RASGRF2: variants seen among roughly 807,000 people sequenced by gnomAD.
The protein encoded by RASGRF2 is Ras protein specific guanine nucleotide releasing factor 2, also known as ras-specific guanine nucleotide-releasing factor 2.
RASGRF2 carries 76 observed loss-of-function variants against 151.0 expected under a neutral mutation model. That is an observed-to-expected ratio of 0.50 (90% CI 0.42 to 0.61). RASGRF2 has a LOEUF of 0.61. Among genes scored for constraint, RASGRF2 ranks in the 20% least tolerant of loss-of-function variants. The probability of loss-of-function intolerance (pLI) is 0.00; values close to 1 mark genes in which losing one functional copy is unlikely to be tolerated. For missense variants in RASGRF2, 1,148 were observed against 1,564.6 expected, an observed-to-expected ratio of 0.73 and a Z score of 4.49; for synonymous variants, 504 against 566.5, an observed-to-expected ratio of 0.89 and a Z score of 1.57.
intron 17 of RASGRF2, among the ~76,000 whole-genome samples, chr5:81,162,719 A>G (rs148585704): frequency 9.1e-4 from 138 of 152,318 alleles, no homozygotes; most frequent in African/African-American, 3.2e-3. Context: ...GACATCCGAC[A>G]GGAAAAAAGC....
intron 25 of RASGRF2, among the ~76,000 whole-genome samples, chr5:81,218,496 T>G (rs1231925147): frequency 2.6e-5 from 4 of 152,240 alleles, no homozygotes; most frequent in Admixed American, 2.6e-4. Context: ...TTGTTGAAGA[T>G]TAGTTGGCTG....
chr5:80,969,510 G>T (rs202054892), intron 1 of RASGRF2, among the ~76,000 whole-genome samples: 1 of 149,682 alleles, frequency 6.7e-6, no homozygotes, highest in Admixed American at 6.7e-5. Flanking sequence ...GTGCAGTGGC[G>T]CGATCTTGGC....
intron 2 of RASGRF2, among the ~76,000 whole-genome samples, chr5:81,065,029 C>T (rs1351039374): frequency 1.3e-5 from 2 of 152,098 alleles, no homozygotes; most frequent in East Asian, 3.9e-4. Context: ...ACGAGTTCTA[C>T]AGCAGCAAGG....
chr5:81,207,162 T>G, intron 20 of RASGRF2, 84 bp from the exon 21 acceptor site: 2 of 1,138,414 alleles, frequency 1.8e-6, no homozygotes, highest in Non-Finnish European at 2.6e-6. Context: ...CTTCCACACA[T>G]GCAGCTGTCT....
intron 17 of RASGRF2, among the ~76,000 whole-genome samples, chr5:81,127,976 C>G (rs1184442340): frequency 6.7e-6 from 1 of 149,816 alleles, no homozygotes; most frequent in Non-Finnish European, 1.5e-5. Flanking sequence ...GAAATCCCAC[C>G]ATTTGCAACA....
At chr5:81,050,993 A>T (rs559187503) in intron 2 of RASGRF2, among the ~76,000 whole-genome samples, 9 of 152,264 alleles carry the variant, frequency 5.9e-5, no homozygotes, top group African/African-American at 2.2e-4. Flanking sequence ...GTTAAAAATG[A>T]TATATTAGTA....
chr5:81,059,121 C>T (rs546734097), intron 2 of RASGRF2, among the ~76,000 whole-genome samples: 34 of 152,222 alleles, frequency 2.2e-4, no homozygotes, highest in Admixed American at 3.3e-4. Context: ...CAGTGGCTCA[C>T]GCCTGTAATC....
chr5:81,212,485 C>T lies in RASGRF2; in HGVS notation c.3276C>T (p.Gly1092=), dbSNP rs201336892. 14 of 1,613,760 alleles carry T rather than the reference C, an allele frequency of 8.7e-6. No individual in the cohort carries two copies. The highest frequency in any genetic ancestry group is 3.3e-5 in the South Asian group (3 of 90,976). ...GCCGATGCCTGCACAACTACAACGG[C>T]GTGCTGGAGATCACCTCGGCCTTAA... ...DICRCLHNYN[G]VLEITSALNR... is the part of the protein sequence containing the mutation. The change falls in exon 23 of 27, where the codon GGC becomes GGT. Residue 1092 remains glycine (G), a synonymous_variant. Transcript: ENST00000265080.
chr5:81,079,914 T>C (rs1032686286), intron 5 of RASGRF2, among the ~76,000 whole-genome samples: 5 of 152,198 alleles, frequency 3.3e-5, no homozygotes, highest in African/African-American at 1.2e-4. Flanking sequence ...TTCTGTCCTC[T>C]AATATTTGAA....
chr5:80,989,609 T>G (rs573465723), intron 1 of RASGRF2, among the ~76,000 whole-genome samples: 1 of 152,220 alleles, frequency 6.6e-6, no homozygotes, highest in Admixed American at 6.5e-5. Context: ...AGTGAAAAAA[T>G]GTTTTCATAA....
rs139509580 is a variant in RASGRF2 at position 81,183,581 on chromosome 5, A to G, written c.2793+3300A>G. ...TTCCTATGTGAATACATTCTGGCCT[A>G]TTGCTCCTGATTTTGTTATACCTTC... is the stretch of plus-strand genomic sequence containing the variant. On this transcript the variant is annotated intron_variant, in intron 18 of 26. Transcript: ENST00000265080. Among the ~76,000 whole-genome samples, 4 of 152,286 alleles carry G rather than the reference A, an allele frequency of 2.6e-5. No individual in the cohort carries two copies. In the East Asian group the frequency reaches 5.8e-4, roughly 22 times the overall value.
intron 2 of RASGRF2, among the ~76,000 whole-genome samples, chr5:81,056,836 G>A (rs1027589702): frequency 8.5e-5 from 13 of 152,130 alleles, no homozygotes; most frequent in African/African-American, 3.1e-4. Flanking sequence ...TATATATTTA[G>A]GATAGTTAGC....
At chr5:81,097,120 C>T (rs951236591) in intron 12 of RASGRF2, among the ~76,000 whole-genome samples, 1 of 152,122 alleles carries the variant, frequency 6.6e-6, no homozygotes, top group Non-Finnish European at 1.5e-5. Flanking sequence ...CACCATCACA[C>T]CCAGCTAATT....
At position 81,083,269 on chromosome 5, in the gene RASGRF2, C is replaced by CTT. The variant is rs199506836; in HGVS notation, c.1161+2496_1161+2497dup. On this transcript the variant is annotated intron_variant, in intron 7 of 26. Coordinates refer to ENST00000265080, the MANE Select transcript of RASGRF2 (RefSeq NM_006909.3). ...CCTCAGGATGAGGCTAGGGTTCTCACTTTTTTTTTTTTTTTTTGCTGGAGG... is the reference window on the plus strand; with the variant it reads ...CCTCAGGATGAGGCTAGGGTTCTCACTTTTTTTTTTTTTTTTTTTGCTGGAGG... 9.1e-3 allele frequency among the ~76,000 whole-genome samples: 1,303 copies of CTT among 143,032 alleles called. 13 individuals carry two copies. The highest frequency in any genetic ancestry group is 0.018 in the Admixed American group (259 of 14,564). The allele number at this position is 143,032 out of a possible 152,430, so 93.8% of individuals were successfully genotyped here. A position where few individuals can be genotyped will look rare whatever the true frequency, so the allele number is the denominator to read the frequency against.
At chr5:81,029,691 T>C (rs1313939209) in intron 1 of RASGRF2, among the ~76,000 whole-genome samples, 1 of 152,038 alleles carries the variant, frequency 6.6e-6, no homozygotes, top group Non-Finnish European at 1.5e-5. Flanking sequence ...ACCACAAAGA[T>C]GGGGAGAAAC....
At chr5:81,137,709 A>G (rs1015305504) in intron 17 of RASGRF2, among the ~76,000 whole-genome samples, 1 of 152,258 alleles carries the variant, frequency 6.6e-6, no homozygotes, top group Non-Finnish European at 1.5e-5. Flanking sequence ...TACAAGCCAA[A>G]GAGAGAGTCT....
intron 1 of RASGRF2, among the ~76,000 whole-genome samples, chr5:80,996,075 T>C (rs1748849797): frequency 6.6e-6 from 1 of 152,028 alleles, no homozygotes; most frequent in South Asian, 2.1e-4. Flanking sequence ...TATCTCTTCC[T>C]CCTCCTCCTC....
At chr5:81,218,514 T>A (rs190146058) in intron 25 of RASGRF2, among the ~76,000 whole-genome samples, 1 of 152,268 alleles carries the variant, frequency 6.6e-6, no homozygotes, top group Non-Finnish European at 1.5e-5. Context: ...CTGTAAGTAT[T>A]TGGATTTATT....
At chr5:81,084,129 G>A (rs373471458) in intron 7 of RASGRF2, among the ~76,000 whole-genome samples, 3 of 152,232 alleles carry the variant, frequency 2.0e-5, no homozygotes, top group South Asian at 2.1e-4. Flanking sequence ...CTTAGCCAGC[G>A]AGCACTTTAA....
Sources: allele counts gnomAD v4.1 joint callset (sites outside exome capture counted in the v4.1 genomes callset), GRCh38; gene constraint gnomAD v4.1.1; transcripts MANE v1.5; gene names NCBI Gene and HGNC (gene_info 2026-07-23, HGNC 2026-07-21).